The following PCDH11X variants were observed in gnomAD, a reference collection of about 807,000 sequenced individuals.
PCDH11X encodes protocadherin 11 X-linked, also known as protocadherin-11 X-linked.
In PCDH11X, 18 loss-of-function variants were observed where a neutral mutation model predicts 53.3. That is an observed-to-expected ratio of 0.34 (90% confidence interval 0.23 to 0.50). The LOEUF (loss-of-function observed/expected upper bound fraction) is 0.50, where lower values mean the gene tolerates loss of function less well. PCDH11X is among the 20% of genes least tolerant of loss of function. The pLI, the probability that PCDH11X is intolerant of heterozygous loss-of-function variation, is 0.98. For synonymous variants in PCDH11X, 279 were observed against 393.3 expected (o/e 0.71, Z 3.44); for missense variants, 570 against 1,032.4 (o/e 0.55, Z 6.14).
At chrX:91,979,040 C>A (rs901498921) in intron 6 of PCDH11X, among the ~76,000 whole-genome samples, 1 of 111,589 alleles carries the variant, frequency 9.0e-6, no homozygotes, top group African/African-American at 3.3e-5. Context: ...GTTGAATTTT[C>A]TGTATATCTG....
chrX:92,446,583 G>A (rs1421629464), intron 9 of PCDH11X, among the ~76,000 whole-genome samples: 1 of 111,334 alleles, frequency 9.0e-6, no homozygotes, highest in Admixed American at 9.6e-5. Context: ...GCTCCTCCTT[G>A]CCTTCTACCA....
intron 9 of PCDH11X, among the ~76,000 whole-genome samples, chrX:92,466,777 C>A (rs1212688836): frequency 9.1e-6 from 1 of 109,826 alleles, no homozygotes; most frequent in East Asian, 2.8e-4. Context: ...TAAGTCCAGA[C>A]CCATTACATT....
At chrX:91,843,285 G>GTGTGTGTGT (rs1459850041) in intron 5 of PCDH11X, among the ~76,000 whole-genome samples, 2 of 108,062 alleles carry the variant, frequency 1.9e-5, no homozygotes, top group African/African-American at 6.8e-5. Context: ...GTGTGTGTGT[G>GTGTGTGTGT]TGTGTGTGTG....
intron 9 of PCDH11X, among the ~76,000 whole-genome samples, chrX:92,466,072 T>C (rs1451435371): frequency 1.3e-4 from 15 of 111,525 alleles, no homozygotes; most frequent in Admixed American, 9.6e-4. Context: ...AACAATCTTC[T>C]TGTTAAAAAC....
chrX:91,785,484 T>A (rs958444087), intron 1 of PCDH11X, among the ~76,000 whole-genome samples: 3 of 111,697 alleles, frequency 2.7e-5, no homozygotes, highest in African/African-American at 9.8e-5. Flanking sequence ...CTCTCTACAT[T>A]CAGTGGAATT....
At chrX:92,157,478 T>C (rs1226949475) in intron 6 of PCDH11X, among the ~76,000 whole-genome samples, 2 of 111,835 alleles carry the variant, frequency 1.8e-5, no homozygotes, top group Non-Finnish European at 3.8e-5. Context: ...GATTAGTCAA[T>C]AAACCAAATA....
chrX:91,906,304 C>A (rs1286207719), intron 6 of PCDH11X, among the ~76,000 whole-genome samples: 1 of 110,932 alleles, frequency 9.0e-6, no homozygotes, highest in Non-Finnish European at 1.9e-5. Flanking sequence ...GATTCTTTAG[C>A]ATCTTCCCAT....
intron 7 of PCDH11X, among the ~76,000 whole-genome samples, chrX:92,219,502 C>A (rs185393088): frequency 2.8e-5 from 3 of 108,390 alleles, no homozygotes; most frequent in Non-Finnish European, 3.9e-5. Context: ...GACGTGAAGG[C>A]CCTCTTCAAG....
In PCDH11X at chrX:91,878,755, G is replaced by A. The variant is rs1405395861; in HGVS notation, c.2515G>A (p.Ala839Thr). The change falls in exon 6 of 11, where the codon GCA becomes ACA. Residue 839 changes from alanine to threonine, a missense_variant. Around this residue, in one of 6 missense-constraint regions of PCDH11X, gnomAD observed 226 missense variants for 457.5 expected, o/e 0.49. Transcript: ENST00000682573. ...FITAVVRCRQ[A>T]PHLKAAQKNK... ...CACTGCTGTAGTAAGATGTCGCCAG[G>A]CACCACACCTTAAGGCTGCTCAGAA... 10 of 1,208,231 alleles carry A rather than the reference G, an allele frequency of 8.3e-6. No homozygotes were observed. The highest frequency in any genetic ancestry group is 1.0e-5 in the Non-Finnish European group (9 of 894,867).
At chrX:91,814,261 A>T (rs1936384458) in intron 4 of PCDH11X, among the ~76,000 whole-genome samples, 1 of 111,346 alleles carries the variant, frequency 9.0e-6, no homozygotes, top group Admixed American at 9.7e-5. Context: ...AAAAACATTC[A>T]TTGTTCAGTT....
chrX:92,073,432 A>C (rs1316503485), intron 6 of PCDH11X, among the ~76,000 whole-genome samples: 1 of 112,420 alleles, frequency 8.9e-6, no homozygotes, highest in African/African-American at 3.2e-5. Flanking sequence ...CTTTTACTTT[A>C]AGCCTATGCT....
At chrX:91,786,955 A>T (rs1219673726) in intron 1 of PCDH11X, among the ~76,000 whole-genome samples, 1 of 111,730 alleles carries the variant, frequency 9.0e-6, no homozygotes, top group African/African-American at 3.2e-5. Context: ...ATATATTAAA[A>T]TAACTTTTTC....
rs1225746258 is a variant in PCDH11X, at chrX:91,811,248, G to C, written c.-92G>C. The stretch of plus-strand genomic sequence containing the variant: ...CCCCCACTCAACAGCTGATTGCAGA[G>C]CACTATGAGGACTGAACGACAGTGG... On this transcript the variant is annotated 5_prime_UTR_variant, in exon 4 of 11. Transcript: ENST00000682573. The C allele has an allele frequency of 9.9e-6, 12 of 1,207,853 alleles. No homozygotes were observed. Among genetic ancestry groups the C allele is most frequent in the Non-Finnish European group, 1.3e-5 (12 of 893,471 alleles).
At chrX:92,377,907 C>A (rs1260544272) in intron 8 of PCDH11X, among the ~76,000 whole-genome samples, 1 of 108,476 alleles carries the variant, frequency 9.2e-6, no homozygotes, top group Non-Finnish European at 1.9e-5. Context: ...TATCCAAAGA[C>A]AATTCATCAA....
chrX:92,574,996 C>T (rs17313497), intron 10 of PCDH11X, among the ~76,000 whole-genome samples: 10,304 of 109,888 alleles, frequency 0.094, 485 homozygotes, highest in Non-Finnish European at 0.14. Context: ...TGTAAAAGTG[C>T]GCTGCTTTTG....
rs971208203 is a variant in PCDH11X at position 91,809,144 on chromosome X, C to G, written c.-378-322C>G. Among the ~76,000 whole-genome samples, 5 of 109,828 alleles carry G rather than the reference C, an allele frequency of 4.6e-5. No homozygotes were observed. In the Admixed American group the frequency reaches 4.9e-4, roughly 11 times the overall value. On this transcript the variant is annotated intron_variant, in intron 1 of 10. Transcript: ENST00000682573. Reference sequence around the variant, plus strand: ...CTTGGCACTAACTTCTTCAGTCATTCACACTTCAAAAGCTTTGGACTATTT... The same window carrying G: ...CTTGGCACTAACTTCTTCAGTCATTGACACTTCAAAAGCTTTGGACTATTT...
intron 10 of PCDH11X, among the ~76,000 whole-genome samples, chrX:92,475,326 A>G (rs1012217947): frequency 9.1e-6 from 1 of 110,206 alleles, no homozygotes; most frequent in Non-Finnish European, 1.9e-5. Flanking sequence ...TAATTGAGGC[A>G]CTCTCTTTAG....
chrX:92,255,092 T>C (rs1461098577), intron 7 of PCDH11X, among the ~76,000 whole-genome samples: 176 of 103,949 alleles, frequency 1.7e-3, no homozygotes, highest in Non-Finnish European at 3.0e-3. Context: ...CAGACGTAGA[T>C]TTGGTCTTTT....
intron 7 of PCDH11X, among the ~76,000 whole-genome samples, chrX:92,259,963 C>T (rs1473862453): frequency 9.0e-6 from 1 of 111,721 alleles, no homozygotes; most frequent in East Asian, 2.8e-4. Flanking sequence ...GAACTAGTTT[C>T]CAAGATGCAA....
Sources: allele counts gnomAD v4.1 joint callset (sites outside exome capture counted in the v4.1 genomes callset), GRCh38; gene constraint gnomAD v4.1.1; regional missense constraint gnomAD v4.1.1; transcripts MANE v1.5; gene names NCBI Gene and HGNC (gene_info 2026-07-23, HGNC 2026-07-21).